The following TRPM7 variants were observed in gnomAD, a reference collection of about 807,000 sequenced individuals.
TRPM7 encodes the protein LTRPC ion channel family member 7.
TRPM7 carries 134 observed loss-of-function variants against 229.7 expected under a neutral mutation model. That is an observed-to-expected ratio of 0.58 (90% confidence interval 0.51 to 0.67). The LOEUF is 0.67. Ranked by LOEUF, TRPM7 falls within the 30% of genes least tolerant of loss-of-function variation. TRPM7 has a pLI of 0.00. For missense variants in TRPM7, 1,901 were observed against 2,210.0 expected (o/e 0.86, Z 2.80); for synonymous variants, 699 against 715.2 (o/e 0.98, Z 0.36).
Position 50,619,698 on chromosome 15 carries a change from T to C in TRPM7, c.1494+47A>G, listed in dbSNP as rs767029037. ...TTTTTTAAAAAACATGAAATATAAA[T>C]GATTTTTTAAAATAACATTTTTCAA... On this transcript the variant is annotated intron_variant, in intron 13 of 38. Coordinates refer to ENST00000646667, the MANE Select transcript of TRPM7 (RefSeq NM_017672.6). 6 of 1,412,322 alleles carry C rather than the reference T, an allele frequency of 4.2e-6. No individual in the cohort carries two copies. In the East Asian group the frequency reaches 1.2e-4, roughly 29 times the overall value. 87.5% of individuals were successfully genotyped at this position (1,412,322 alleles called of 1,614,324 possible).
chr15:50,628,340 T>C, intron 10 of TRPM7, 91 bp from the exon 11 acceptor site: 1 of 843,394 alleles, frequency 1.2e-6, no homozygotes, highest in Non-Finnish European at 1.9e-6. Flanking sequence ...GATGGGGTCT[T>C]GGTCTGTTGC....
At chr15:50,586,545 T>C (rs1227218992) in intron 27 of TRPM7, 57 bp from the exon 28 acceptor site, 1 of 1,135,628 alleles carries the variant, frequency 8.8e-7, no homozygotes, top group Non-Finnish European at 1.3e-6. Context: ...TTTCAACCCA[T>C]TACTCTAAGT....
chr15:50,678,513 AAAAAAT>A (rs1323935431), intron 1 of TRPM7, among the ~76,000 whole-genome samples: 8 of 77,662 alleles, frequency 1.0e-4, no homozygotes, highest in Admixed American at 6.3e-4. Context: ...CTTTAAAAAA[AAAAAAT>A]ATATATATAT....
Position 50,686,430 on chromosome 15 carries a change from C to T in TRPM7, c.3+101G>A. 4 of 1,595,150 alleles carry T rather than the reference C, an allele frequency of 2.5e-6. No homozygotes were observed. In the South Asian group the frequency reaches 4.4e-5, roughly 18 times the overall value. On this transcript the variant is annotated intron_variant, in intron 1 of 38. Coordinates refer to ENST00000646667, the MANE Select transcript of TRPM7 (RefSeq NM_017672.6). Reference sequence around the variant, plus strand: ...TCAAGGCAATTCGAGGGTCCTTCGCCGCATGGAACGCGGCTCCCCACACAC... The same window carrying T: ...TCAAGGCAATTCGAGGGTCCTTCGCTGCATGGAACGCGGCTCCCCACACAC...
chr15:50,658,981 G>A (rs377472168), intron 2 of TRPM7, among the ~76,000 whole-genome samples: 2 of 152,100 alleles, frequency 1.3e-5, no homozygotes, highest in South Asian at 2.1e-4. Context: ...GGAGGATCAC[G>A]AGGTCAGGAG....
intron 7 of TRPM7, among the ~76,000 whole-genome samples, chr15:50,636,168 G>A (rs2060900407): frequency 6.6e-6 from 1 of 151,052 alleles, no homozygotes; most frequent in African/African-American, 2.4e-5. Flanking sequence ...GGTATCTGTA[G>A]GACTATAAAC....
intron 2 of TRPM7, among the ~76,000 whole-genome samples, chr15:50,659,947 G>A (rs1334489616): frequency 1.3e-5 from 2 of 152,178 alleles, no homozygotes; most frequent in Admixed American, 6.5e-5. Context: ...TTACAGGCGT[G>A]AGCCACCACA....
In TRPM7 at chr15:50,648,687, C is replaced by G. The variant is rs746854283; in HGVS notation, c.321G>C (p.Lys107Asn). Residue 107 changes from lysine (K) to asparagine (N), a missense_variant and splice_region_variant, in exon 4 of 39, where the codon AAG (lysine) becomes AAC (asparagine). This residue lies in a region of TRPM7 where 794 missense variants were observed against 881.9 expected (regional missense o/e 0.90). Transcript: ENST00000646667. ...FQGGSHSYRAKYVRLSYDTKP... is the reference protein window; with the variant it reads ...FQGGSHSYRANYVRLSYDTKP... ...AAGAAAAATCCAATATGTGACATAC[C>G]TTAGCTCTGTAGGAATGAGAACCCC... is the stretch of plus-strand genomic sequence containing the variant. 2 of 1,600,642 alleles carry G rather than the reference C, an allele frequency of 1.2e-6. No homozygotes were observed. Among genetic ancestry groups the G allele is most frequent in the Non-Finnish European group, 1.7e-6 (2 of 1,173,100 alleles).
intron 36 of TRPM7, among the ~76,000 whole-genome samples, chr15:50,572,158 G>A (rs2053921626): frequency 1.3e-5 from 2 of 152,178 alleles, no homozygotes; most frequent in African/African-American, 4.8e-5. Flanking sequence ...AGTGACGTGA[G>A]CCTGTAGTCC....
At chr15:50,597,168 T>C (rs376706882) in intron 22 of TRPM7, among the ~76,000 whole-genome samples, 2 of 152,198 alleles carry the variant, frequency 1.3e-5, no homozygotes, top group African/African-American at 2.4e-5. Flanking sequence ...GTGATTAGAT[T>C]TGAATTCCTT....
At chr15:50,644,165 T>C (rs2061191054) in intron 4 of TRPM7, among the ~76,000 whole-genome samples, 1 of 152,160 alleles carries the variant, frequency 6.6e-6, no homozygotes, top group Non-Finnish European at 1.5e-5. Context: ...GTAATCAACA[T>C]TTCATGGTGT....
intron 1 of TRPM7, among the ~76,000 whole-genome samples, chr15:50,675,777 T>A (rs2062079911): frequency 6.6e-6 from 1 of 152,198 alleles, no homozygotes. Context: ...AATTTGTATG[T>A]TCCAAGTAAT....
intron 29 of TRPM7, chr15:50,582,584 C>A (rs937184059): frequency 2.6e-5 from 4 of 152,278 alleles, no homozygotes; most frequent in African/African-American, 9.7e-5. Context: ...TCTTTGTTAA[C>A]TAACCTCTTT....
In TRPM7 at chr15:50,607,217, T is replaced by C. The variant is rs1341664978; in HGVS notation, c.2692A>G (p.Ile898Val). The change falls in exon 20 of 39, where the codon ATT becomes GTT. Residue 898 changes from isoleucine to valine, a missense_variant. Ile to Val is a conservative substitution (Grantham distance 29). This residue lies in a region of TRPM7 where 207 missense variants were observed against 241.5 expected (regional missense o/e 0.86). Transcript: ENST00000646667. ...IVIAYIFTYA[I>V]EKVREIFMSE... ...AGACATACCTCACGGACTTTCTCAA[T>C]GGCATAAGTAAAAATATAAGCAATA... 3.7e-6 allele frequency: 6 copies of C among 1,609,694 alleles called. No individual in the cohort carries two copies. Among genetic ancestry groups the C allele is most frequent in the Middle Eastern group, 1.6e-4 (1 of 6,064 alleles).
At chr15:50,677,000 T>C (rs1484934205) in intron 1 of TRPM7, among the ~76,000 whole-genome samples, 2 of 152,132 alleles carry the variant, frequency 1.3e-5, no homozygotes, top group Non-Finnish European at 2.9e-5. Context: ...AGTTTGGAGT[T>C]TGAGTACAAT....
chr15:50,668,585 G>A (rs1189112306), intron 1 of TRPM7, among the ~76,000 whole-genome samples: 1 of 152,172 alleles, frequency 6.6e-6, no homozygotes, highest in Non-Finnish European at 1.5e-5. Context: ...TCAGCTTACT[G>A]CTAACTCTGC....
At chr15:50,619,837 T>G (rs373489883) in intron 12 of TRPM7, 39 bp from the exon 13 acceptor site, 1 of 1,535,376 alleles carries the variant, frequency 6.5e-7, no homozygotes, top group African/African-American at 1.4e-5. Context: ...ATTATTTTTC[T>G]TCTAAACTAA....
chr15:50,609,944 TA>T lies in TRPM7; in HGVS notation c.2297del (p.Leu766Ter). The T allele has an allele frequency of 6.2e-7, 1 of 1,606,422 alleles. No homozygotes were observed. The highest frequency in any genetic ancestry group is 1.1e-5 in the South Asian group (1 of 88,844). ...NSWYKVILSI[L>X]VPPAILLLEY... The stretch of plus-strand genomic sequence containing the variant: ...CTAACAGCAATATGGCAGGTGGAAC[TA>T]AAATGCTTAGTATGACCTAAATTTT... On this transcript the variant is annotated frameshift_variant, in exon 18 of 39. Transcript: ENST00000646667. LOFTEE classifies it high-confidence loss of function.
intron 11 of TRPM7, 71 bp from the exon 12 acceptor site, chr15:50,624,371 T>C: frequency 7.7e-7 from 1 of 1,294,708 alleles, no homozygotes; most frequent in Non-Finnish European, 1.0e-6. Context: ...AAATGTTAAG[T>C]CCTTAGGATT....
Sources: gnomAD v4.1 joint callset for allele counts (sites outside exome capture counted in the v4.1 genomes callset) on GRCh38, gnomAD v4.1.1 for gene constraint, gnomAD v4.1.1 regional missense constraint, MANE v1.5 for transcripts, NCBI Gene and HGNC (gene_info 2026-07-23, HGNC 2026-07-21) for gene names.